Variants in DCDC1 observed in about 807,000 individuals in gnomAD.
DCDC1 encodes doublecortin domain containing 1.
DCDC1 carries 200 observed loss-of-function variants against 178.3 expected under a neutral mutation model. The ratio of observed to expected loss-of-function variants is 1.12; its 90% CI spans 1.00 to 1.26. The LOEUF is 1.26. Among genes scored for constraint, DCDC1 ranks in the 50% most tolerant of loss-of-function variants. The pLI is 0.00. For missense variants in DCDC1, 1,983 were observed against 1,749.2 expected (o/e 1.13, Z -2.38); for synonymous variants, 690 against 604.8 (o/e 1.14, Z -2.07).
intron 9 of DCDC1, among the ~76,000 whole-genome samples, chr11:31,191,743 G>T (rs932109631): frequency 1.3e-5 from 2 of 151,954 alleles, no homozygotes; most frequent in African/African-American, 4.8e-5. Flanking sequence ...GAATGGAGAG[G>T]TTGTAGGCTT....
At chr11:31,114,293 C>G (rs1485139693) in intron 11 of DCDC1, among the ~76,000 whole-genome samples, 1 of 152,036 alleles carries the variant, frequency 6.6e-6, no homozygotes, top group Non-Finnish European at 1.5e-5. Context: ...TAGGGTTAAC[C>G]AATTATAGTT....
intron 3 of DCDC1, among the ~76,000 whole-genome samples, chr11:31,315,562 T>G (rs1025879671): frequency 6.6e-6 from 1 of 151,318 alleles, no homozygotes; most frequent in African/African-American, 2.4e-5. Flanking sequence ...GGTCTCGATC[T>G]CCTGACCTTG....
At chr11:30,935,430 A>G (rs1296441817) in intron 21 of DCDC1, among the ~76,000 whole-genome samples, 1 of 152,184 alleles carries the variant, frequency 6.6e-6, no homozygotes, top group Non-Finnish European at 1.5e-5. Context: ...ATTAATTACT[A>G]ACCTGATTGG....
At chr11:31,111,818 C>T (rs1959180985) in intron 11 of DCDC1, among the ~76,000 whole-genome samples, 1 of 152,092 alleles carries the variant, frequency 6.6e-6, no homozygotes, top group Non-Finnish European at 1.5e-5. Context: ...TATTGATGTT[C>T]CTTTGTCGAG....
intron 27 of DCDC1, 44 bp downstream of exon 27, chr11:30,915,467 C>G: frequency 6.2e-7 from 1 of 1,603,234 alleles, no homozygotes; most frequent in Non-Finnish European, 8.5e-7. Context: ...TATTAGGATC[C>G]TATTCACCTT....
chr11:31,222,213 C>A (rs932747668), intron 9 of DCDC1, among the ~76,000 whole-genome samples: 5 of 152,170 alleles, frequency 3.3e-5, no homozygotes, highest in South Asian at 4.1e-4. Flanking sequence ...CAGGCATGCA[C>A]CACCAGGTCC....
chr11:30,904,926 AAGAT>A (rs781562769), intron 31 of DCDC1, 31 bp downstream of exon 31: 7 of 1,611,298 alleles, frequency 4.3e-6, no homozygotes, highest in Non-Finnish European at 5.9e-6. Flanking sequence ...ATTACCTCTG[AAGAT>A]GCAAGCAGCA....
At chr11:30,995,698 C>T (rs1471142917) in intron 20 of DCDC1, among the ~76,000 whole-genome samples, 1 of 152,070 alleles carries the variant, frequency 6.6e-6, no homozygotes, top group African/African-American at 2.4e-5. Flanking sequence ...AAGTGGATGT[C>T]TCTATGAAGC....
At chr11:30,889,961 C>T (rs1943630451) in intron 36 of DCDC1, among the ~76,000 whole-genome samples, 1 of 152,092 alleles carries the variant, frequency 6.6e-6, no homozygotes, top group Admixed American at 6.6e-5. Flanking sequence ...AGGGTGGAGC[C>T]CTATTCCAGT....
intron 8 of DCDC1, among the ~76,000 whole-genome samples, chr11:31,261,815 GTAGAAAGGA>G (rs1318968567): frequency 6.6e-6 from 1 of 152,106 alleles, no homozygotes; most frequent in African/African-American, 2.4e-5. Flanking sequence ...CCTTTCTACT[GTAGAAAGGA>G]TAGATTTATA....
At chr11:31,308,179 C>A (rs1391807397) in intron 3 of DCDC1, among the ~76,000 whole-genome samples, 2 of 152,172 alleles carry the variant, frequency 1.3e-5, no homozygotes, top group African/African-American at 2.4e-5. Flanking sequence ...GAACCCAAGC[C>A]TGTCCTGAAA....
At chr11:31,284,429 G>A (rs1946671965) in intron 7 of DCDC1, among the ~76,000 whole-genome samples, 1 of 151,984 alleles carries the variant, frequency 6.6e-6, no homozygotes, top group Non-Finnish European at 1.5e-5. Context: ...TGATTCTAAT[G>A]TCCAGAAACT....
chr11:31,297,564 C>T (rs917924942), intron 6 of DCDC1, among the ~76,000 whole-genome samples: 2 of 152,038 alleles, frequency 1.3e-5, no homozygotes, highest in African/African-American at 4.8e-5. Context: ...CCAGGCTGGT[C>T]TCAAACTCCT....
At chr11:31,140,237 T>G (rs1963649426) in intron 9 of DCDC1, among the ~76,000 whole-genome samples, 1 of 152,220 alleles carries the variant, frequency 6.6e-6, no homozygotes, top group African/African-American at 2.4e-5. Context: ...TCAATGGGTT[T>G]GATATTTCTG....
intron 20 of DCDC1, among the ~76,000 whole-genome samples, chr11:30,965,327 T>A (rs1160515573): frequency 1.3e-5 from 2 of 152,072 alleles, no homozygotes; most frequent in Non-Finnish European, 2.9e-5. Flanking sequence ...CTCCATATCA[T>A]ACCACAAAAG....
At chr11:31,295,664 C>T (rs897864204) in intron 6 of DCDC1, among the ~76,000 whole-genome samples, 9 of 152,136 alleles carry the variant, frequency 5.9e-5, no homozygotes, top group Non-Finnish European at 1.0e-4. Context: ...CCAGTGAACA[C>T]ATGTCTTGGC....
chr11:31,001,201 A>G (rs1951556678), intron 20 of DCDC1, among the ~76,000 whole-genome samples: 1 of 152,148 alleles, frequency 6.6e-6, no homozygotes, highest in African/African-American at 2.4e-5. Flanking sequence ...ATTTTGTTCA[A>G]TGAACTATAA....
chr11:31,018,963 G>C (rs1336664461), intron 20 of DCDC1, among the ~76,000 whole-genome samples: 1 of 152,130 alleles, frequency 6.6e-6, no homozygotes, highest in African/African-American at 2.4e-5. Flanking sequence ...GTTCAGTATG[G>C]GAATGGGGGC....
In DCDC1 at chr11:31,144,747, T is replaced by C. The variant is rs373732685; in HGVS notation, c.1222-6963A>G. On this transcript the variant is annotated intron_variant, in intron 9 of 38. Coordinates refer to ENST00000684477, the MANE Select transcript of DCDC1 (RefSeq NM_001387274.1). The stretch of plus-strand genomic sequence containing the variant: ...TTTACTTTCTTTGCTCTTACTTTCC[T>C]TGGTTTTTATCTTTTTATGAATGAT... 2.8e-4 allele frequency among the ~76,000 whole-genome samples: 43 copies of C among 152,284 alleles called. 1 individual carries two copies. In the South Asian group the frequency reaches 8.1e-3, roughly 29 times the overall value.
Sources: allele counts gnomAD v4.1 joint callset (sites outside exome capture counted in the v4.1 genomes callset), GRCh38; gene constraint gnomAD v4.1.1; transcripts MANE v1.5; gene names NCBI Gene and HGNC (gene_info 2026-07-23, HGNC 2026-07-21).